CPED1: variants seen among roughly 807,000 people sequenced by gnomAD.
CPED1 encodes cadherin-like and PC-esterase domain-containing protein 1.
In CPED1, 114 loss-of-function variants were observed where a neutral mutation model predicts 128.2. The observed-to-expected ratio is 0.89, with a 90% CI of 0.76 to 1.04. The LOEUF (loss-of-function observed/expected upper bound fraction) is 1.04, where lower values mean the gene tolerates loss of function less well. Ranked by LOEUF, CPED1 falls within the 50% of genes least tolerant of loss-of-function variation. The pLI, the probability that CPED1 is intolerant of heterozygous loss-of-function variation, is 0.00. For missense variants in CPED1, 1,211 were observed against 1,207.1 expected (o/e 1.00, Z -0.05); for synonymous variants, 462 against 426.7 (o/e 1.08, Z -1.02).
chr7:121,254,651 A>T (rs1798763491), intron 18 of CPED1, among the ~76,000 whole-genome samples: 1 of 151,972 alleles, frequency 6.6e-6, no homozygotes. Flanking sequence ...AGTAAGACTG[A>T]TAGACTAACT....
chr7:121,106,356 A>C (rs984307328), intron 7 of CPED1, among the ~76,000 whole-genome samples: 2 of 152,030 alleles, frequency 1.3e-5, no homozygotes, highest in Admixed American at 1.3e-4. Flanking sequence ...ATATGTGTAT[A>C]TATGCCTACA....
intron 16 of CPED1, chr7:121,195,141 C>T (rs1797243084): frequency 6.6e-6 from 1 of 151,962 alleles, no homozygotes; most frequent in Admixed American, 6.6e-5. Context: ...TTTTATTTGT[C>T]CATTAATTCT....
At chr7:121,105,487 G>C (rs549421624) in intron 7 of CPED1, among the ~76,000 whole-genome samples, 1 of 152,218 alleles carries the variant, frequency 6.6e-6, no homozygotes, top group South Asian at 2.1e-4. Flanking sequence ...CCCTTCGCTA[G>C]GCCCGGGAGA....
At chr7:121,213,400 C>A (rs1248026585) in intron 16 of CPED1, among the ~76,000 whole-genome samples, 4 of 152,062 alleles carry the variant, frequency 2.6e-5, no homozygotes, top group Non-Finnish European at 5.9e-5. Context: ...GAAGTTCCTA[C>A]CCTGGGGCTT....
chr7:121,216,077 A>G (rs1203253799), intron 16 of CPED1, among the ~76,000 whole-genome samples: 1 of 152,012 alleles, frequency 6.6e-6, no homozygotes, highest in African/African-American at 2.4e-5. Context: ...CTCAGTCTAC[A>G]CTCTTAAACT....
At chr7:121,174,157 C>T (rs10215458) in intron 16 of CPED1, among the ~76,000 whole-genome samples, 82,469 of 151,936 alleles carry the variant, frequency 0.54, 22,772 homozygotes, top group East Asian at 0.84. Context: ...AATATTTTCT[C>T]CCATTCTGTG....
chr7:121,213,251 A>G (rs1797686705), intron 16 of CPED1, among the ~76,000 whole-genome samples: 1 of 152,004 alleles, frequency 6.6e-6, no homozygotes, highest in Admixed American at 6.6e-5. Flanking sequence ...TTCAAACCCT[A>G]TTTGTTCCAT....
intron 16 of CPED1, among the ~76,000 whole-genome samples, chr7:121,186,114 C>T (rs761542601): frequency 1.4e-4 from 22 of 152,232 alleles, no homozygotes; most frequent in Middle Eastern, 3.4e-3. Flanking sequence ...CTTTAATTTG[C>T]TTCTCTTCCC....
intron 10 of CPED1, 68 bp downstream of exon 10, chr7:121,127,325 A>T (rs1795529373): frequency 1.0e-6 from 1 of 964,326 alleles, no homozygotes; most frequent in Non-Finnish European, 1.6e-6. Context: ...CATTCTCCTT[A>T]TTCTGCAATT....
At chr7:121,113,330 A>G (rs1795159391) in intron 7 of CPED1, among the ~76,000 whole-genome samples, 2 of 152,172 alleles carry the variant, frequency 1.3e-5, no homozygotes, top group African/African-American at 4.8e-5. Context: ...AGAGTTATAT[A>G]TTTATAAATA....
chr7:121,070,282 C>G (rs1793953319), intron 5 of CPED1, among the ~76,000 whole-genome samples: 1 of 150,992 alleles, frequency 6.6e-6, no homozygotes, highest in Non-Finnish European at 1.5e-5. Flanking sequence ...CTTAATATCC[C>G]AGGTCTAATA....
At chr7:121,232,446 A>G (rs1242178415) in intron 16 of CPED1, among the ~76,000 whole-genome samples, 1 of 152,148 alleles carries the variant, frequency 6.6e-6, no homozygotes, top group Non-Finnish European at 1.5e-5. Context: ...GTCCAGTCAC[A>G]TGGCTTAGGC....
chr7:121,166,685 T>C (rs1490915250), intron 16 of CPED1, among the ~76,000 whole-genome samples: 1 of 152,172 alleles, frequency 6.6e-6, no homozygotes, highest in African/African-American at 2.4e-5. Context: ...TGGTTCTTCT[T>C]CTTTTTGGAG....
intron 22 of CPED1, 130 bp from the exon 23 acceptor site, chr7:121,295,310 T>C: frequency 9.0e-7 from 1 of 1,113,208 alleles, no homozygotes; most frequent in Non-Finnish European, 1.3e-6. Flanking sequence ...TTCCTGGTTA[T>C]GTAAGTCATA....
chr7:121,061,256 G>T (rs1585046598), intron 4 of CPED1: 1 of 842,104 alleles, frequency 1.2e-6, no homozygotes, highest in Non-Finnish European at 1.4e-6. Context: ...TTCAAAAATT[G>T]ATCTCATGGA....
At chr7:121,265,424 G>A (rs1472250913) in intron 18 of CPED1, among the ~76,000 whole-genome samples, 5 of 152,002 alleles carry the variant, frequency 3.3e-5, no homozygotes, top group African/African-American at 1.2e-4. Flanking sequence ...ACCTAACAAA[G>A]ACTGGTATGC....
chr7:121,255,913 A>G (rs536030850), intron 18 of CPED1, among the ~76,000 whole-genome samples: 6 of 152,104 alleles, frequency 3.9e-5, no homozygotes, highest in African/African-American at 1.4e-4. Context: ...CAGAGATGAC[A>G]TAAATAAATG....
intron 17 of CPED1, among the ~76,000 whole-genome samples, chr7:121,243,134 T>G (rs1798441873): frequency 6.6e-6 from 1 of 152,154 alleles, no homozygotes; most frequent in African/African-American, 2.4e-5. Context: ...TCAAGAACTA[T>G]CTGGGTGATA....
At chr7:121,142,669 A>G (rs1220649956) in intron 16 of CPED1, among the ~76,000 whole-genome samples, 1 of 152,024 alleles carries the variant, frequency 6.6e-6, no homozygotes, top group Non-Finnish European at 1.5e-5. Context: ...TGAGCAACAC[A>G]TACCATTTTG....
Sources: gnomAD v4.1 joint callset for allele counts (sites outside exome capture counted in the v4.1 genomes callset) on GRCh38, gnomAD v4.1.1 for gene constraint, MANE v1.5 for transcripts, NCBI Gene and HGNC (gene_info 2026-07-23, HGNC 2026-07-21) for gene names.